The following HTR5A variants were observed in gnomAD, a reference collection of about 807,000 sequenced individuals.
The protein encoded by HTR5A is 5-hydroxytryptamine receptor 5A, also known as 5-HT-5.
A neutral mutation model predicts 24.3 loss-of-function variants in HTR5A; 21 were observed. The ratio of observed to expected loss-of-function variants is 0.86; its 90% CI spans 0.61 to 1.24. The LOEUF is 1.24. HTR5A is among the 50% of genes most tolerant of loss of function. HTR5A has a pLI of 0.00. For missense variants in HTR5A, 497 were observed against 489.5 expected, an observed-to-expected ratio of 1.02 and a Z score of -0.15; for synonymous variants, 260 against 213.7, an observed-to-expected ratio of 1.22 and a Z score of -1.89.
At chr7:155,078,039 T>C (rs1419846105) in intron 1 of HTR5A, among the ~76,000 whole-genome samples, 1 of 152,202 alleles carries the variant, frequency 6.6e-6, no homozygotes, top group Non-Finnish European at 1.5e-5. Flanking sequence ...AGATAGATTG[T>C]ATATAGTTGT....
Position 155,071,117 on chromosome 7 carries a change from G to A in HTR5A, c.218G>A (p.Arg73His), listed in dbSNP as rs1305165703. Residue 73 changes from arginine (R) to histidine (H), a missense_variant, in exon 1 of 2, where the codon CGC (arginine) becomes CAC (histidine). Physicochemically the swap from Arg to His is conservative, Grantham distance 29. Transcript: ENST00000287907. ...ATCCTCCGTGTACGCACCTTCCACCGCGTGCCCCACAACCTGGTGGCATCC... is the reference window on the plus strand; with the variant it reads ...ATCCTCCGTGTACGCACCTTCCACCACGTGCCCCACAACCTGGTGGCATCC... Reference protein sequence around the residue: ...ATILRVRTFHRVPHNLVASMA... With the variant: ...ATILRVRTFHHVPHNLVASMA... 1.5e-5 allele frequency: 24 copies of A among 1,605,950 alleles called. No individual in the cohort carries two copies. The highest frequency in any genetic ancestry group is 1.9e-5 in the Non-Finnish European group (22 of 1,179,956).
At position 155,085,028 on chromosome 7, in the gene HTR5A, A is replaced by G. The variant is rs141673899; in HGVS notation, c.*541A>G. 5.1e-3 allele frequency: 786 copies of G among 153,532 alleles called. 3 individuals are homozygous for G. The highest frequency in any genetic ancestry group is 7.7e-3 in the Non-Finnish European group (533 of 69,098). 9.5% of individuals were successfully genotyped at this position (153,532 alleles called of 1,614,324 possible). A position where few individuals can be genotyped will look rare whatever the true frequency, so the allele number is the denominator to read the frequency against. ...ACCACAAAACACTGTCTCCAAATAT[A>G]TTAAAGTATATAGTCCTATCCATGA... On this transcript the variant is annotated 3_prime_UTR_variant, in exon 2 of 2. Transcript: ENST00000287907.
chr7:155,073,091 CG>C (rs1360446049), intron 1 of HTR5A, among the ~76,000 whole-genome samples: 8 of 151,932 alleles, frequency 5.3e-5, no homozygotes, highest in Non-Finnish European at 1.2e-4. Flanking sequence ...GAGGCCGAGG[CG>C]GGCAGATCAC....
intron 1 of HTR5A, among the ~76,000 whole-genome samples, chr7:155,073,990 A>G (rs1342133254): frequency 6.6e-6 from 1 of 150,778 alleles, no homozygotes; most frequent in South Asian, 2.1e-4. Flanking sequence ...GGCTTAGCAA[A>G]AGGACCCAAA....
At position 155,070,537 on chromosome 7, in the gene HTR5A, C is replaced by T; in HGVS notation, c.-363C>T. 3 of 365,226 alleles carry T rather than the reference C, an allele frequency of 8.2e-6. No homozygotes were observed. Among genetic ancestry groups the T allele is most frequent in the South Asian group, 6.9e-5 (3 of 43,426 alleles). 22.6% of individuals were successfully genotyped at this position (365,226 alleles called of 1,614,324 possible). On this transcript the variant is annotated 5_prime_UTR_variant, in exon 1 of 2. Transcript: ENST00000287907. Reference sequence around the variant, plus strand: ...GCCCCTCTCCTGCACCCACACGCTGCTGGCCGCCCAGCTTCTCCCCGATCT... The same window carrying T: ...GCCCCTCTCCTGCACCCACACGCTGTTGGCCGCCCAGCTTCTCCCCGATCT...
intron 1 of HTR5A, among the ~76,000 whole-genome samples, chr7:155,082,903 A>G (rs1795433817): frequency 6.6e-6 from 1 of 152,106 alleles, no homozygotes; most frequent in South Asian, 2.1e-4. Context: ...TAAAGTTTGG[A>G]CTATTATGGA....
rs74873317 is a variant in HTR5A, at chr7:155,084,559, C to A, written c.*72C>A. ...AATTCCCAGTTCATCCATTTCCCAT[C>A]CCCACCCAACAGCCATGTGGACGGG... On this transcript the variant is annotated 3_prime_UTR_variant, in exon 2 of 2. Transcript: ENST00000287907. The A allele has an allele frequency of 2.1e-3, 2,577 of 1,252,830 alleles. 46 individuals are homozygous for A. In the African/African-American group the frequency reaches 0.034, roughly 17 times the overall value. The allele number at this position is 1,252,830 out of a possible 1,614,324, so 77.6% of individuals were successfully genotyped here. A position where few individuals can be genotyped will look rare whatever the true frequency, so the allele number is the denominator to read the frequency against.
chr7:155,083,824 T>C (rs1310092973), intron 1 of HTR5A, among the ~76,000 whole-genome samples: 3 of 152,228 alleles, frequency 2.0e-5, no homozygotes, highest in African/African-American at 7.2e-5. Context: ...TGATGAAGTG[T>C]GCACCTCTGC....
rs1053588615 is a variant in HTR5A, at chr7:155,070,561, C to G, written c.-339C>G. 1 of 390,886 alleles carries G rather than the reference C, an allele frequency of 2.6e-6. No individual in the cohort carries two copies. The highest frequency in any genetic ancestry group is 4.8e-6 in the Non-Finnish European group (1 of 207,332). 24.2% of individuals were successfully genotyped at this position (390,886 alleles called of 1,614,324 possible). On this transcript the variant is annotated 5_prime_UTR_variant, in exon 1 of 2. In the 5' UTR this introduces an upstream ATG that the reference lacks. Transcript: ENST00000287907. ...GCTGGCCGCCCAGCTTCTCCCCGAT[C>G]TGGGAGATGCTCGGCTCTGGGCGGC...
chr7:155,077,927 A>G (rs987069383), intron 1 of HTR5A, among the ~76,000 whole-genome samples: 7 of 152,202 alleles, frequency 4.6e-5, no homozygotes, highest in Non-Finnish European at 8.8e-5. Context: ...ATAAACAAAA[A>G]CATTATATAG....
chr7:155,082,176 C>G (rs1384996824), intron 1 of HTR5A, among the ~76,000 whole-genome samples: 1 of 150,004 alleles, frequency 6.7e-6, no homozygotes, highest in African/African-American at 2.5e-5. Context: ...GACATCCACA[C>G]TGTGAACAGC....
chr7:155,082,092 G>T (rs117518001), intron 1 of HTR5A, among the ~76,000 whole-genome samples: 1 of 151,284 alleles, frequency 6.6e-6, no homozygotes, highest in Non-Finnish European at 1.5e-5. Flanking sequence ...ATCAGCATCC[G>T]TGGTGTCTCC....
chr7:155,071,192 T>A lies in HTR5A; in HGVS notation c.293T>A (p.Leu98Gln). ...GCCGCGCTGGTCATGCCGCTGAGCC[T>A]GGTGCACGAGCTGTCCGGGCGCCGC... is the stretch of plus-strand genomic sequence containing the variant. ...LVAALVMPLS[L>Q]VHELSGRRWQ... is the part of the protein sequence containing the mutation. The change falls in exon 1 of 2, where the codon CTG becomes CAG. Residue 98 changes from leucine to glutamine, a missense_variant. By Grantham distance (113) the Leu-to-Gln change is moderately radical. Coordinates refer to ENST00000287907, the MANE Select transcript of HTR5A (RefSeq NM_024012.4). The A allele has an allele frequency of 6.2e-7, 1 of 1,602,852 alleles. No homozygotes were observed. Among genetic ancestry groups the A allele is most frequent in the Non-Finnish European group, 8.5e-7 (1 of 1,179,886 alleles).
At chr7:155,084,083 G>C (rs895939712) in intron 1 of HTR5A, 72 bp from the exon 2 acceptor site, 10 of 1,265,744 alleles carry the variant, frequency 7.9e-6, no homozygotes, top group Admixed American at 7.3e-5. Flanking sequence ...ATCCAGGCCT[G>C]TCAGTGTCCA....
At position 155,070,631 on chromosome 7, in the gene HTR5A, G is replaced by A. The variant is rs1205747339; in HGVS notation, c.-269G>A. On this transcript the variant is annotated 5_prime_UTR_variant, in exon 1 of 2. Coordinates refer to ENST00000287907, the MANE Select transcript of HTR5A (RefSeq NM_024012.4). Reference sequence around the variant, plus strand: ...GGCGAGGAGCCCTGGGCTCCTGACAGCTTAGGCGGGCCCTGGCTGCGACAC... The same window carrying A: ...GGCGAGGAGCCCTGGGCTCCTGACAACTTAGGCGGGCCCTGGCTGCGACAC... 1.9e-6 allele frequency: 1 copy of A among 514,338 alleles called. No individual in the cohort carries two copies. The highest frequency in any genetic ancestry group is 3.5e-6 in the Non-Finnish European group (1 of 285,250). 31.9% of individuals were successfully genotyped at this position (514,338 alleles called of 1,614,324 possible).
chr7:155,073,204 C>A (rs951572571), intron 1 of HTR5A, among the ~76,000 whole-genome samples: 12 of 151,756 alleles, frequency 7.9e-5, no homozygotes, highest in African/African-American at 2.7e-4. Flanking sequence ...GCCTGTAGTC[C>A]CAGCTACTCG....
At position 155,084,328 on chromosome 7, in the gene HTR5A, G is replaced by A. The variant is rs376598745; in HGVS notation, c.915G>A (p.Glu305=). The part of the protein sequence containing the change: ...VLCWIPFFLT[E]LISPLCSCDI... ...GCTGGATCCCCTTCTTTCTCACCGA[G>A]CTCATCAGTCCCCTCTGCTCCTGTG... is the stretch of plus-strand genomic sequence containing the variant. Residue 305 remains glutamate, a synonymous_variant, in exon 2 of 2, where the codon GAG becomes GAA. Transcript: ENST00000287907. 6.2e-7 allele frequency: 1 copy of A among 1,614,118 alleles called. No homozygotes were observed. Among genetic ancestry groups the A allele is most frequent in the Non-Finnish European group, 8.5e-7 (1 of 1,180,034 alleles).
In HTR5A at chr7:155,070,740, A is replaced by G; in HGVS notation, c.-160A>G. 1 of 753,674 alleles carries G rather than the reference A, an allele frequency of 1.3e-6. No homozygotes were observed. The highest frequency in any genetic ancestry group is 2.2e-6 in the Non-Finnish European group (1 of 456,728). 46.7% of individuals were successfully genotyped at this position (753,674 alleles called of 1,614,324 possible). On this transcript the variant is annotated 5_prime_UTR_variant, in exon 1 of 2. Coordinates refer to ENST00000287907, the MANE Select transcript of HTR5A (RefSeq NM_024012.4). ...GCCACACCATCTCCAACGGATGCTC[A>G]CTAGCAGGAAATTGGGGCCAAATTC...
rs900184640 is a variant in HTR5A, at chr7:155,084,440, A to G, written c.1027A>G (p.Lys343Glu). 17 of 1,613,966 alleles carry G rather than the reference A, an allele frequency of 1.1e-5. No individual in the cohort carries two copies. The highest frequency in any genetic ancestry group is 1.4e-5 in the Non-Finnish European group (16 of 1,180,016). The change falls in exon 2 of 2, where the codon AAG becomes GAG. Residue 343 changes from lysine to glutamate, a missense_variant. Coordinates refer to ENST00000287907, the MANE Select transcript of HTR5A (RefSeq NM_024012.4). ...FNPLIYTAFN[K>E]NYNSAFKNFF... is the part of the protein sequence containing the mutation. ...CCCCCTGATCTATACGGCTTTCAAC[A>G]AGAACTACAACAGCGCCTTCAAGAA...
Sources: gnomAD v4.1 joint callset for allele counts (sites outside exome capture counted in the v4.1 genomes callset) on GRCh38, gnomAD v4.1.1 for gene constraint, MANE v1.5 for transcripts, NCBI Gene and HGNC (gene_info 2026-07-23, HGNC 2026-07-21) for gene names.